The following ETNK1 variants were observed in gnomAD, a reference collection of about 807,000 sequenced individuals.
The protein encoded by ETNK1 is putative protein product of Nbla10396.
A neutral mutation model predicts 45.1 loss-of-function variants in ETNK1; 8 were observed. The observed-to-expected ratio is 0.18, with a 90% CI of 0.10 to 0.32. The LOEUF (loss-of-function observed/expected upper bound fraction) is 0.32, where lower values mean the gene tolerates loss of function less well. ETNK1 is among the 10% of genes least tolerant of loss of function. The pLI, the probability that ETNK1 is intolerant of heterozygous loss-of-function variation, is 1.00. For missense variants in ETNK1, 302 were observed against 430.6 expected (o/e 0.70, Z 2.64); for synonymous variants, 152 against 151.9 (o/e 1.00, Z -0.01).
rs771496948 is a variant in ETNK1 at position 22,673,678 on chromosome 12, C to T, written c.945+18C>T. On this transcript the variant is annotated intron_variant, in intron 6 of 7. Coordinates refer to ENST00000266517, the MANE Select transcript of ETNK1 (RefSeq NM_018638.5). ...TTGCATTGGTAAGTTTAAATGTACACAATTAATGAAAGGTTCTTACTGTAA... is the reference window on the plus strand; with the variant it reads ...TTGCATTGGTAAGTTTAAATGTACATAATTAATGAAAGGTTCTTACTGTAA... 5 of 1,589,280 alleles carry T rather than the reference C, an allele frequency of 3.1e-6. No individual in the cohort carries two copies. The African/African-American group carries it at 5.4e-5, about 17-fold the overall frequency.
In ETNK1 at chr12:22,682,021, TCTAC is replaced by T. The variant is rs557582343; in HGVS notation, c.946-2461_946-2458del. ...AATTTTTTACTCTATTACATTAAAA[TCTAC>T]TGGTTTATCTTGCAGATTGAATGAT... On this transcript the variant is annotated intron_variant, in intron 6 of 7. Transcript: ENST00000266517. Among the ~76,000 whole-genome samples the T allele has an allele frequency of 8.1e-3, 1,235 of 152,296 alleles. 19 individuals carry two copies. The highest frequency in any genetic ancestry group is 0.028 in the African/African-American group (1,179 of 41,582).
chr12:22,661,237 T>G (rs1215768154), intron 4 of ETNK1, 32 bp downstream of exon 4: 2 of 1,556,098 alleles, frequency 1.3e-6, no homozygotes, highest in African/African-American at 2.8e-5. Flanking sequence ...TAAGTAAAAT[T>G]GATTTCTTTT....
At chr12:22,647,687 C>T (rs191135866) in intron 2 of ETNK1, among the ~76,000 whole-genome samples, 1 of 151,988 alleles carries the variant, frequency 6.6e-6, no homozygotes, top group Non-Finnish European at 1.5e-5. Context: ...AAATGAAATA[C>T]TATGGGATGG....
At chr12:22,640,226 TTAAAC>T (rs1184503455) in intron 1 of ETNK1, among the ~76,000 whole-genome samples, 1 of 152,124 alleles carries the variant, frequency 6.6e-6, no homozygotes, top group Non-Finnish European at 1.5e-5. Context: ...CTGTTAATAT[TTAAAC>T]TAAAGATTAG....
intron 2 of ETNK1, among the ~76,000 whole-genome samples, chr12:22,645,204 A>G (rs975450797): frequency 4.6e-5 from 7 of 151,886 alleles, no homozygotes; most frequent in Admixed American, 2.6e-4. Context: ...ACAAATACCT[A>G]TATAACAGCA....
chr12:22,633,057 T>G (rs1953601905), intron 1 of ETNK1, among the ~76,000 whole-genome samples: 1 of 152,232 alleles, frequency 6.6e-6, no homozygotes, highest in Non-Finnish European at 1.5e-5. Flanking sequence ...ATTATACTTT[T>G]TTTGAACACG....
chr12:22,635,106 A>C (rs1953637709), intron 1 of ETNK1, among the ~76,000 whole-genome samples: 1 of 152,198 alleles, frequency 6.6e-6, no homozygotes, highest in Non-Finnish European at 1.5e-5. Context: ...TCACCAAATA[A>C]AAATGGGCCT....
Position 22,632,631 on chromosome 12 carries a change from G to A in ETNK1, c.156+7045G>A, listed in dbSNP as rs964695773. Among the ~76,000 whole-genome samples, 11 of 151,686 alleles carry A rather than the reference G, an allele frequency of 7.3e-5. No individual in the cohort carries two copies. In the East Asian group the frequency reaches 1.9e-3, roughly 27 times the overall value. On this transcript the variant is annotated intron_variant, in intron 1 of 7. Coordinates refer to ENST00000266517, the MANE Select transcript of ETNK1 (RefSeq NM_018638.5). The stretch of plus-strand genomic sequence containing the variant: ...CTCACGCGATCCCTTCTACATCAGC[G>A]TCCAGAGTACCTGAGACTAAAGGTG...
intron 2 of ETNK1, among the ~76,000 whole-genome samples, chr12:22,657,393 G>A (rs1050715557): frequency 3.3e-5 from 5 of 152,248 alleles, no homozygotes; most frequent in African/African-American, 1.2e-4. Flanking sequence ...GTGGCATAAA[G>A]GAGAAAGAAT....
chr12:22,662,373 C>T (rs1954012567), intron 4 of ETNK1, among the ~76,000 whole-genome samples: 1 of 149,426 alleles, frequency 6.7e-6, no homozygotes, highest in Non-Finnish European at 1.5e-5. Flanking sequence ...CAGGTGTGAG[C>T]CACTGAGCCT....
rs771257770 is a variant in ETNK1, at chr12:22,685,232, G to A, written c.*278G>A. 1 of 263,494 alleles carries A rather than the reference G, an allele frequency of 3.8e-6. No individual in the cohort carries two copies. Among genetic ancestry groups the A allele is most frequent in the African/African-American group, 2.2e-5 (1 of 45,104 alleles). 16.3% of individuals were successfully genotyped at this position (263,494 alleles called of 1,614,324 possible). A position where few individuals can be genotyped will look rare whatever the true frequency, so the allele number is the denominator to read the frequency against. On this transcript the variant is annotated 3_prime_UTR_variant, in exon 8 of 8. Transcript: ENST00000266517. The stretch of plus-strand genomic sequence containing the variant: ...TTTCTTTGATAATTTAACCTATGTT[G>A]TATGTGAATTATTTATTATAAACTT...
chr12:22,625,307 A>C lies in ETNK1; in HGVS notation c.-124A>C, dbSNP rs756601665. ...CTCCTGCCGCTCGCCCGCCCGTCCCAGCGCCCCCAGCCCTCCCGCGAGGGC... is the reference window on the plus strand; with the variant it reads ...CTCCTGCCGCTCGCCCGCCCGTCCCCGCGCCCCCAGCCCTCCCGCGAGGGC... On this transcript the variant is annotated 5_prime_UTR_variant, in exon 1 of 8. Coordinates refer to ENST00000266517, the MANE Select transcript of ETNK1 (RefSeq NM_018638.5). 9.4e-6 allele frequency: 15 copies of C among 1,603,944 alleles called. No homozygotes were observed. In the Admixed American group the frequency reaches 2.5e-4, roughly 27 times the overall value.
intron 4 of ETNK1, among the ~76,000 whole-genome samples, chr12:22,662,132 A>C (rs1954007397): frequency 6.8e-6 from 1 of 146,968 alleles, no homozygotes; most frequent in South Asian, 2.2e-4. Flanking sequence ...CAATGGCATA[A>C]TCTCAGCTCA....
chr12:22,644,302 T>C (rs769437305), intron 2 of ETNK1: 2 of 1,596,502 alleles, frequency 1.3e-6, no homozygotes, highest in South Asian at 2.3e-5. Flanking sequence ...TAGTTTTTTC[T>C]AGTTAGTGTT....
At chr12:22,654,426 A>G (rs1953915415) in intron 2 of ETNK1, among the ~76,000 whole-genome samples, 1 of 152,226 alleles carries the variant, frequency 6.6e-6, no homozygotes, top group Non-Finnish European at 1.5e-5. Flanking sequence ...TGTATAAGAA[A>G]ACATTACTTT....
chr12:22,678,276 A>G (rs1954179810), intron 6 of ETNK1, among the ~76,000 whole-genome samples: 1 of 152,198 alleles, frequency 6.6e-6, no homozygotes, highest in Non-Finnish European at 1.5e-5. Context: ...CAGACACTGC[A>G]ATCTGCCTTT....
At chr12:22,626,008 T>G in intron 1 of ETNK1, 1 of 387,492 alleles carries the variant, frequency 2.6e-6, no homozygotes, top group Non-Finnish European at 5.1e-6. Flanking sequence ...TCCTCTCCCC[T>G]CCCCCTGCGA....
At chr12:22,684,823 G>A (rs1954245891) in intron 7 of ETNK1, 59 bp from the exon 8 acceptor site, 3 of 1,355,508 alleles carry the variant, frequency 2.2e-6, no homozygotes, top group African/African-American at 2.9e-5. Flanking sequence ...GTGAAAATAA[G>A]GGAAGGACCA....
chr12:22,671,711 C>T (rs929032497), intron 5 of ETNK1, among the ~76,000 whole-genome samples: 4 of 151,520 alleles, frequency 2.6e-5, no homozygotes, highest in East Asian at 3.9e-4. Context: ...TGGTGGTGGG[C>T]GCCTGTAGTC....
Sources: gnomAD v4.1 joint callset for allele counts (sites outside exome capture counted in the v4.1 genomes callset) on GRCh38, gnomAD v4.1.1 for gene constraint, MANE v1.5 for transcripts, NCBI Gene and HGNC (gene_info 2026-07-23, HGNC 2026-07-21) for gene names.